SCN2A: variants seen among roughly 807,000 people sequenced by gnomAD.
The protein encoded by SCN2A is sodium voltage-gated channel alpha subunit 2.
A neutral mutation model predicts 188.7 loss-of-function variants in SCN2A; 20 were observed. That is an observed-to-expected ratio of 0.11 (90% CI 0.07 to 0.15). The LOEUF is 0.15. Ranked by LOEUF, SCN2A falls within the 10% of genes least tolerant of loss-of-function variation. SCN2A has a pLI of 1.00. For synonymous variants in SCN2A, 804 were observed against 833.1 expected (o/e 0.97, Z 0.60); for missense variants, 1,278 against 2,445.0 (o/e 0.52, Z 10.07).
At chr2:165,328,312 C>CGT (rs1698472385) in intron 13 of SCN2A, 1 of 155,110 alleles carries the variant, frequency 6.4e-6, no homozygotes, top group African/African-American at 2.4e-5. Flanking sequence ...GAATATTAAA[C>CGT]TCTAGTACGT....
chr2:165,247,194 C>T (rs1304497190), intron 1 of SCN2A, among the ~76,000 whole-genome samples: 2 of 152,168 alleles, frequency 1.3e-5, no homozygotes, highest in African/African-American at 4.8e-5. Flanking sequence ...GTCTCTCCTG[C>T]ATTAGTAATT....
chr2:165,387,375 T>C (rs1701929915), intron 26 of SCN2A, among the ~76,000 whole-genome samples: 1 of 152,172 alleles, frequency 6.6e-6, no homozygotes, highest in Non-Finnish European at 1.5e-5. Context: ...CACACACATA[T>C]ATACATAAAT....
In SCN2A at chr2:165,389,437, A is replaced by G; in HGVS notation, c.5631A>G (p.Ile1877Met). Reference protein sequence around the residue: ...GESGEMDALRIQMEERFMASN... With the variant: ...GESGEMDALRMQMEERFMASN... Reference sequence around the variant, plus strand: ...GTGGAGAGATGGATGCCCTTCGAATACAGATGGAAGAGCGATTCATGGCAT... The same window carrying G: ...GTGGAGAGATGGATGCCCTTCGAATGCAGATGGAAGAGCGATTCATGGCAT... The change falls in exon 27 of 27, where the codon ATA becomes ATG. Residue 1877 changes from isoleucine to methionine, a missense_variant. Ile to Met is a conservative substitution (Grantham distance 10). This residue lies in a region of SCN2A where 54 missense variants were observed against 135.4 expected (regional missense o/e 0.40). Coordinates refer to ENST00000375437, the MANE Select transcript of SCN2A (RefSeq NM_001040142.2). The surrounding 1 kb of genome is among the most constrained non-coding windows in gnomAD (Gnocchi z 4.2). 6.2e-7 allele frequency: 1 copy of G among 1,613,962 alleles called. No homozygotes were observed. Among genetic ancestry groups the G allele is most frequent in the Non-Finnish European group, 8.5e-7 (1 of 1,179,976 alleles).
At chr2:165,314,191 T>A in intron 10 of SCN2A, 83 bp downstream of exon 10, 1 of 1,405,174 alleles carries the variant, frequency 7.1e-7, no homozygotes, top group Non-Finnish European at 9.9e-7. Context: ...GCAAGGTAGT[T>A]GACATTAGAA....
rs566779568 is a variant in SCN2A, at chr2:165,340,324, C to G, written c.2389-1972C>G. 4.6e-3 allele frequency among the ~76,000 whole-genome samples: 676 copies of G among 148,544 alleles called. 3 individuals carry two copies. Among genetic ancestry groups the G allele is most frequent in the African/African-American group, 0.016 (644 of 40,478 alleles). On this transcript the variant is annotated intron_variant, in intron 14 of 26. Coordinates refer to ENST00000375437, the MANE Select transcript of SCN2A (RefSeq NM_001040142.2). ...GACCTACTGAACAAAAAAGAAAAGTCTAGTAATATACACATGGGTGAATTT... is the reference window on the plus strand; with the variant it reads ...GACCTACTGAACAAAAAAGAAAAGTGTAGTAATATACACATGGGTGAATTT...
At chr2:165,266,148 G>A (rs998168032) in intron 1 of SCN2A, among the ~76,000 whole-genome samples, 1 of 151,920 alleles carries the variant, frequency 6.6e-6, no homozygotes, top group African/African-American at 2.4e-5. Flanking sequence ...ATAATTTTAA[G>A]AATAATACAT....
At chr2:165,247,764 A>G (rs1211885699) in intron 1 of SCN2A, among the ~76,000 whole-genome samples, 1 of 152,158 alleles carries the variant, frequency 6.6e-6, no homozygotes, top group Non-Finnish European at 1.5e-5. Context: ...TGACATCCAA[A>G]TATTTACCTC....
chr2:165,365,003 G>A, intron 17 of SCN2A, 140 bp from the exon 18 acceptor site: 1 of 777,784 alleles, frequency 1.3e-6, no homozygotes. Flanking sequence ...TACCAAAGCG[G>A]ATTGGCATTA....
intron 1 of SCN2A, among the ~76,000 whole-genome samples, chr2:165,252,219 A>T (rs1237025354): frequency 1.3e-5 from 2 of 152,126 alleles, no homozygotes; most frequent in Non-Finnish European, 2.9e-5. Context: ...TATCCCATGC[A>T]TATATTCTGC....
chr2:165,313,764 G>A lies in SCN2A; in HGVS notation c.1176+3G>A, dbSNP rs1697572080. The A allele has an allele frequency of 6.2e-7, 1 of 1,613,512 alleles. No individual in the cohort carries two copies. Among genetic ancestry groups the A allele is most frequent in the African/African-American group, 1.3e-5 (1 of 74,894 alleles). ...TCTGGGAAAACCTTTATCAACTGGT[G>A]AGAACAGATAAAATCATTTTTCTGA... is the stretch of plus-strand genomic sequence containing the variant. On this transcript the variant is annotated splice_donor_region_variant and intron_variant, in intron 9 of 26. Transcript: ENST00000375437.
At chr2:165,329,812 A>G (rs1465691552) in intron 13 of SCN2A, among the ~76,000 whole-genome samples, 1 of 152,178 alleles carries the variant, frequency 6.6e-6, no homozygotes, top group Non-Finnish European at 1.5e-5. Flanking sequence ...TTACAAAATA[A>G]CTAGTGCATA....
At chr2:165,262,042 A>G (rs1694617386) in intron 1 of SCN2A, among the ~76,000 whole-genome samples, 1 of 152,186 alleles carries the variant, frequency 6.6e-6, no homozygotes, top group Non-Finnish European at 1.5e-5. Flanking sequence ...GATACACATT[A>G]TGGTTGCAAT....
chr2:165,331,093 A>T (rs1033836726), intron 13 of SCN2A, among the ~76,000 whole-genome samples: 4 of 152,144 alleles, frequency 2.6e-5, no homozygotes, highest in Non-Finnish European at 5.9e-5. Context: ...TAGTGTTGCC[A>T]ATAGAATCTT....
At chr2:165,360,184 C>A (rs1031675547) in intron 17 of SCN2A, among the ~76,000 whole-genome samples, 1 of 151,826 alleles carries the variant, frequency 6.6e-6, no homozygotes, top group Non-Finnish European at 1.5e-5. Flanking sequence ...ATCTTAGCTT[C>A]ATAATGAGAA....
intron 3 of SCN2A, among the ~76,000 whole-genome samples, chr2:165,298,142 C>T (rs1330356359): frequency 6.6e-6 from 1 of 152,160 alleles, no homozygotes; most frequent in Non-Finnish European, 1.5e-5. Flanking sequence ...AGCAAATCCT[C>T]AGATTAGGAC....
At chr2:165,311,473 A>T (rs11888844) in intron 7 of SCN2A, among the ~76,000 whole-genome samples, 3,037 of 152,212 alleles carry the variant, frequency 0.02, 83 homozygotes, top group African/African-American at 0.063. Flanking sequence ...CTTCATTTGA[A>T]AGGCAGAAAT....
chr2:165,241,015 C>T (rs1165348087), intron 1 of SCN2A: 1 of 152,006 alleles, frequency 6.6e-6, no homozygotes, highest in East Asian at 1.9e-4. Flanking sequence ...TACTAAATTA[C>T]AATAAGGCAA....
intron 13 of SCN2A, chr2:165,327,579 C>T (rs1453966653): frequency 6.5e-6 from 1 of 154,376 alleles, no homozygotes; most frequent in African/African-American, 2.4e-5. Context: ...TTGGGGACAG[C>T]TTAATCTGTG....
intron 25 of SCN2A, among the ~76,000 whole-genome samples, chr2:165,383,984 G>A (rs532195958): frequency 6.6e-6 from 1 of 152,106 alleles, no homozygotes; most frequent in African/African-American, 2.4e-5. Context: ...TCAGAGATTA[G>A]GTTTAAAGGA....
Sources: allele counts gnomAD v4.1 joint callset (sites outside exome capture counted in the v4.1 genomes callset), GRCh38; gene constraint gnomAD v4.1.1; regional missense constraint gnomAD v4.1.1; non-coding constraint Gnocchi (gnomAD v3.1); transcripts MANE v1.5; gene names NCBI Gene and HGNC (gene_info 2026-07-23, HGNC 2026-07-21).